LIMA1: variants seen among roughly 807,000 people sequenced by gnomAD.
The protein encoded by LIMA1 is LIM domain and actin binding 1, also known as LIM domain and actin-binding protein 1.
In LIMA1, 52 loss-of-function variants were observed where a neutral mutation model predicts 62.6. The observed-to-expected ratio is 0.83, with a 90% CI of 0.67 to 1.05. The LOEUF is 1.05. Ranked by LOEUF, LIMA1 falls within the 50% of genes least tolerant of loss-of-function variation. The pLI is 0.00. For missense variants in LIMA1, 780 were observed against 902.2 expected (o/e 0.86, Z 1.74); for synonymous variants, 302 against 317.8 (o/e 0.95, Z 0.53).
chr12:50,238,464 G>A (rs1941727370), intron 2 of LIMA1, among the ~76,000 whole-genome samples: 1 of 151,034 alleles, frequency 6.6e-6, no homozygotes, highest in South Asian at 2.1e-4. Flanking sequence ...CCGAGATTGC[G>A]CCACTGCACT....
chr12:50,231,057 C>G (rs1941604642), intron 3 of LIMA1, among the ~76,000 whole-genome samples: 1 of 152,110 alleles, frequency 6.6e-6, no homozygotes, highest in South Asian at 2.1e-4. Flanking sequence ...GAATTATTGA[C>G]CAAACATATG....
intron 9 of LIMA1, among the ~76,000 whole-genome samples, chr12:50,183,834 A>AAAC (rs1940566692): frequency 1.3e-5 from 2 of 149,798 alleles, no homozygotes; most frequent in African/African-American, 2.5e-5. Context: ...AAAAAAAAAA[A>AAAC]CCCAAAACAG....
Position 50,208,634 on chromosome 12 carries a change from A to T in LIMA1, c.631-2566T>A, listed in dbSNP as rs546203169. ...CACTGCACTCCAGCCTGGGCAACAG[A>T]GTGTGACCCTGTCTCAAAAGAAATA... On this transcript the variant is annotated intron_variant, in intron 4 of 10. Transcript: ENST00000341247. Among the ~76,000 whole-genome samples the T allele has an allele frequency of 4.9e-4, 74 of 152,264 alleles. 1 individual carries two copies. The highest frequency in any genetic ancestry group is 1.7e-3 in the African/African-American group (70 of 41,556).
At chr12:50,248,837 G>A in intron 1 of LIMA1, 63 bp from the exon 2 acceptor site, 1 of 855,470 alleles carries the variant, frequency 1.2e-6, no homozygotes, top group East Asian at 2.4e-5. Flanking sequence ...TCCAAGGATT[G>A]GCAGTGGTGT....
At position 50,231,707 on chromosome 12, in the gene LIMA1, G is replaced by A. The variant is rs765183010; in HGVS notation, c.123C>T (p.Tyr41=). 41 of 1,613,032 alleles carry A rather than the reference G, an allele frequency of 2.5e-5. No homozygotes were observed. Among genetic ancestry groups the A allele is most frequent in the Non-Finnish European group, 3.5e-5 (41 of 1,179,010 alleles). The part of the protein sequence containing the change: ...SSAIVEIFSK[Y]QKAAEETNME... ...TGTTTGTTTCTTCAGCTGCTTTCTG[G>A]TACCTTCAGAGAAGGGAAGGAAAGA... is the stretch of plus-strand genomic sequence containing the variant. Residue 41 remains tyrosine (Y), a synonymous_variant, in exon 3 of 11, where the codon TAC becomes TAT. Coordinates refer to ENST00000341247, the MANE Select transcript of LIMA1 (RefSeq NM_016357.5).
chr12:50,214,997 G>A (rs189621416), intron 4 of LIMA1, among the ~76,000 whole-genome samples: 86 of 152,232 alleles, frequency 5.6e-4, no homozygotes, highest in African/African-American at 2.0e-3. Context: ...GCAACAATCT[G>A]GGCATTCCCT....
chr12:50,211,331 C>CAA (rs34045758), intron 4 of LIMA1, among the ~76,000 whole-genome samples: 37 of 83,208 alleles, frequency 4.4e-4, no homozygotes, highest in Admixed American at 1.9e-3. Context: ...CCCACCCCCC[C>CAA]AAAAAAAAAA....
intron 2 of LIMA1, among the ~76,000 whole-genome samples, chr12:50,233,135 G>C (rs377680796): frequency 1.6e-4 from 25 of 152,294 alleles, no homozygotes; most frequent in African/African-American, 5.8e-4. Flanking sequence ...GATCCCCGTG[G>C]ATAAGGTCAA....
At chr12:50,207,109 G>C (rs1941168213) in intron 4 of LIMA1, among the ~76,000 whole-genome samples, 1 of 152,082 alleles carries the variant, frequency 6.6e-6, no homozygotes, top group Non-Finnish European at 1.5e-5. Flanking sequence ...ATTTTTAGTA[G>C]AGACAGGGTT....
At chr12:50,248,242 C>T (rs1486886108) in intron 2 of LIMA1, among the ~76,000 whole-genome samples, 2 of 152,182 alleles carry the variant, frequency 1.3e-5, no homozygotes, top group Non-Finnish European at 2.9e-5. Flanking sequence ...CAAATCAAAA[C>T]TCGCCTCAAC....
intron 9 of LIMA1, among the ~76,000 whole-genome samples, chr12:50,183,810 CAAA>C (rs34778877): frequency 1.9e-4 from 11 of 56,452 alleles, no homozygotes; most frequent in African/African-American, 3.5e-4. Flanking sequence ...GACTTGGTCT[CAAA>C]AAAAAAAAAA....
intron 7 of LIMA1, among the ~76,000 whole-genome samples, chr12:50,197,476 A>T (rs1005676778): frequency 6.6e-6 from 1 of 152,138 alleles, no homozygotes; most frequent in Non-Finnish European, 1.5e-5. Context: ...TCTGAAAAAC[A>T]TTGCGAATTT....
At position 50,177,630 on chromosome 12, in the gene LIMA1, C is replaced by T. The variant is rs781115938; in HGVS notation, c.1714G>A (p.Asp572Asn). 1.5e-5 allele frequency: 24 copies of T among 1,608,824 alleles called. No individual in the cohort carries two copies. The highest frequency in any genetic ancestry group is 3.4e-5 in the Admixed American group (2 of 59,004). The change falls in exon 11 of 11, where the codon GAT becomes AAT. Residue 572 changes from aspartate to asparagine, a missense_variant. Transcript: ENST00000341247. ...ISKPEVPEDV[D>N]LDLKKLRRSS... ...CGTCTTAGCTTCTTCAGATCTAGAT[C>T]GACATCCTCAGGAACTTCGGGCTTG...
intron 4 of LIMA1, among the ~76,000 whole-genome samples, chr12:50,216,746 C>T (rs905833187): frequency 1.3e-5 from 2 of 152,052 alleles, no homozygotes; most frequent in African/African-American, 4.8e-5. Context: ...CACCTGTAAT[C>T]CCAGCTACTC....
chr12:50,269,940 A>AT (rs1490649591), intron 1 of LIMA1, among the ~76,000 whole-genome samples: 18 of 146,494 alleles, frequency 1.2e-4, no homozygotes, highest in African/African-American at 4.6e-4. Flanking sequence ...AAAAAAAAAA[A>AT]AAAATTTAAA....
chr12:50,264,043 T>C (rs902517852), intron 1 of LIMA1, among the ~76,000 whole-genome samples: 5 of 151,844 alleles, frequency 3.3e-5, no homozygotes, highest in Non-Finnish European at 1.5e-5. Context: ...TAAAGAGTAA[T>C]GTAGTGCTGA....
At chr12:50,211,519 G>A (rs1263997229) in intron 4 of LIMA1, among the ~76,000 whole-genome samples, 1 of 151,306 alleles carries the variant, frequency 6.6e-6, no homozygotes, top group Non-Finnish European at 1.5e-5. Context: ...GCATAGTGGT[G>A]ATGCCTGCAG....
chr12:50,193,674 T>A lies in LIMA1; in HGVS notation c.1031-1113A>T, dbSNP rs1414500938. ...TGTATATATATATATATATTTTTTT[T>A]TTTTTTTTTTTTCAGAGTCTCACTC... On this transcript the variant is annotated intron_variant, in intron 8 of 10. Transcript: ENST00000341247. Among the ~76,000 whole-genome samples, 154 of 129,196 alleles carry A rather than the reference T, an allele frequency of 1.2e-3. 2 individuals carry two copies. The East Asian group carries it at 0.015, about 13-fold the overall frequency. 84.8% of individuals were successfully genotyped at this position (129,196 alleles called of 152,430 possible).
chr12:50,256,751 C>T (rs1459288683), intron 1 of LIMA1, among the ~76,000 whole-genome samples: 2 of 152,088 alleles, frequency 1.3e-5, no homozygotes, highest in African/African-American at 2.4e-5. Context: ...GATTCCAGAG[C>T]TGGGGAAGGG....
Sources: allele counts gnomAD v4.1 joint callset (sites outside exome capture counted in the v4.1 genomes callset), GRCh38; gene constraint gnomAD v4.1.1; transcripts MANE v1.5; gene names NCBI Gene and HGNC (gene_info 2026-07-23, HGNC 2026-07-21).